WASF3: variants seen among roughly 807,000 people sequenced by gnomAD.
WASF3 encodes the protein WASP family member 3.
WASF3 carries 11 observed loss-of-function variants against 46.6 expected under a neutral mutation model. The observed-to-expected ratio is 0.24, with a 90% CI of 0.15 to 0.39. WASF3 has a LOEUF of 0.39. Among genes scored for constraint, WASF3 ranks in the 10% least tolerant of loss-of-function variants. The pLI, the probability that WASF3 is intolerant of heterozygous loss-of-function variation, is 1.00. For missense variants in WASF3, 576 were observed against 669.8 expected, an observed-to-expected ratio of 0.86 and a Z score of 1.55; for synonymous variants, 242 against 259.7, an observed-to-expected ratio of 0.93 and a Z score of 0.65.
chr13:26,589,668 A>G (rs1156525031), intron 1 of WASF3, among the ~76,000 whole-genome samples: 4 of 152,208 alleles, frequency 2.6e-5, no homozygotes, highest in Non-Finnish European at 4.4e-5. Flanking sequence ...TTATTTCTCC[A>G]AAGCACAACA....
chr13:26,609,929 C>G (rs1880919007), intron 1 of WASF3, among the ~76,000 whole-genome samples: 1 of 152,176 alleles, frequency 6.6e-6, no homozygotes, highest in South Asian at 2.1e-4. Context: ...ACCTAGTAGC[C>G]ACTAGCCACA....
At chr13:26,591,303 C>A (rs1880285968) in intron 1 of WASF3, among the ~76,000 whole-genome samples, 1 of 152,024 alleles carries the variant, frequency 6.6e-6, no homozygotes, top group South Asian at 2.1e-4. Context: ...GAGATGTGAT[C>A]CAACTTCTTT....
At chr13:26,570,242 C>T (rs1428845766) in intron 1 of WASF3, among the ~76,000 whole-genome samples, 3 of 152,118 alleles carry the variant, frequency 2.0e-5, no homozygotes, top group Non-Finnish European at 4.4e-5. Context: ...GAGCTGAGAT[C>T]CTGCCACTGC....
chr13:26,581,155 C>A (rs1005751305), intron 1 of WASF3, among the ~76,000 whole-genome samples: 1 of 152,060 alleles, frequency 6.6e-6, no homozygotes, highest in Non-Finnish European at 1.5e-5. Context: ...TGGTCTTGAA[C>A]TCTTGAGCTC....
chr13:26,579,068 A>G (rs965659828), intron 1 of WASF3, among the ~76,000 whole-genome samples: 1 of 132,440 alleles, frequency 7.6e-6, no homozygotes, highest in South Asian at 2.4e-4. Flanking sequence ...TGGTGCAATC[A>G]TAGCTCACTG....
chr13:26,665,007 T>A, intron 3 of WASF3, 21 bp from the exon 4 acceptor site: 1 of 1,613,574 alleles, frequency 6.2e-7, no homozygotes, highest in Non-Finnish European at 8.5e-7. Context: ...GATGGCCTTC[T>A]CCATTCATTT....
chr13:26,669,504 T>C (rs1483452458), intron 5 of WASF3, among the ~76,000 whole-genome samples: 1 of 95,914 alleles, frequency 1.0e-5, no homozygotes, highest in East Asian at 3.1e-4. Flanking sequence ...ACAAAGTGAC[T>C]GAAAAAAAAA....
At chr13:26,574,952 T>G (rs1319339161) in intron 1 of WASF3, among the ~76,000 whole-genome samples, 1 of 151,934 alleles carries the variant, frequency 6.6e-6, no homozygotes, top group Non-Finnish European at 1.5e-5. Context: ...TTGTCCTGCC[T>G]CAGCCTCTGG....
In WASF3 at chr13:26,683,655, G is replaced by T. The variant is rs184630655; in HGVS notation, c.1351+681G>T. On this transcript the variant is annotated intron_variant, in intron 9 of 9. Coordinates refer to ENST00000335327, the MANE Select transcript of WASF3 (RefSeq NM_006646.6). The stretch of plus-strand genomic sequence containing the variant: ...TTTCTTTAAAAAAAAAAAAGAGTTT[G>T]TGCTGGACTTGTCATATTTGCTTGA... Among the ~76,000 whole-genome samples, 990 of 151,922 alleles carry T rather than the reference G, an allele frequency of 6.5e-3. 6 individuals are homozygous for T. The highest frequency in any genetic ancestry group is 9.8e-3 in the Non-Finnish European group (668 of 67,970).
chr13:26,546,390 A>C, the WASF3 span, among the ~76,000 whole-genome samples: 1 of 152,252 alleles, frequency 6.6e-6, no homozygotes, highest in East Asian at 1.9e-4. Context: ...AATGAGAAAA[A>C]ACGTAAAAAC....
intron 1 of WASF3, among the ~76,000 whole-genome samples, chr13:26,604,041 A>G (rs1474639162): frequency 6.6e-6 from 1 of 152,164 alleles, no homozygotes; most frequent in Non-Finnish European, 1.5e-5. Flanking sequence ...ATAGTGAAGA[A>G]GATAGAGTCA....
At chr13:26,676,508 C>T in intron 6 of WASF3, 41 bp from the exon 7 acceptor site, 1 of 1,597,564 alleles carries the variant, frequency 6.3e-7, no homozygotes, top group Non-Finnish European at 8.5e-7. Flanking sequence ...TTTCCTTTCC[C>T]TTCTGTCTTG....
intron 3 of WASF3, among the ~76,000 whole-genome samples, chr13:26,662,486 G>T (rs973901249): frequency 6.6e-6 from 1 of 152,244 alleles, no homozygotes; most frequent in African/African-American, 2.4e-5. Context: ...ATGAAGTCAT[G>T]TCTTTTGCAG....
the WASF3 span, among the ~76,000 whole-genome samples, chr13:26,547,508 T>A: frequency 6.6e-6 from 1 of 152,076 alleles, no homozygotes; most frequent in Non-Finnish European, 1.5e-5. Context: ...TTGTCCTTAA[T>A]ACCTTTGCAT....
chr13:26,576,289 G>A (rs978979167), intron 1 of WASF3, among the ~76,000 whole-genome samples: 1 of 150,326 alleles, frequency 6.7e-6, no homozygotes, highest in Non-Finnish European at 1.5e-5. Flanking sequence ...TCTTTCTTTT[G>A]TTTCTTTCCT....
intron 2 of WASF3, chr13:26,640,833 G>T (rs1881975787): frequency 6.6e-6 from 1 of 152,202 alleles, no homozygotes; most frequent in South Asian, 2.1e-4. Context: ...TGCACTCTGG[G>T]TGCTTGGGGA....
rs935375942 is a variant in WASF3 at position 26,682,231 on chromosome 13, G to A, written c.984-376G>A. 2.6e-5 allele frequency among the ~76,000 whole-genome samples: 4 copies of A among 152,214 alleles called. No homozygotes were observed. Among genetic ancestry groups the A allele is most frequent in the African/African-American group, 7.2e-5 (3 of 41,458 alleles). On this transcript the variant is annotated intron_variant, in intron 8 of 9. Coordinates refer to ENST00000335327, the MANE Select transcript of WASF3 (RefSeq NM_006646.6). The surrounding 1 kb of genome is among the most constrained non-coding windows in gnomAD (Gnocchi z 4.4). ...GAGAATGTAGAAAGCTCCCAATCTG[G>A]TTGACCTTAGGACCCTTAAAAGACA... is the stretch of plus-strand genomic sequence containing the variant.
rs147802301 is a variant in WASF3, at chr13:26,682,732, C to G, written c.1109C>G (p.Pro370Arg). The G allele has an allele frequency of 2.5e-6, 4 of 1,613,936 alleles. No individual in the cohort carries two copies. The East Asian group carries it at 6.7e-5, about 27-fold the overall frequency. The change falls in exon 9 of 10, where the codon CCG becomes CGG. Residue 370 changes from proline (P) to arginine (R), a missense_variant. Coordinates refer to ENST00000335327, the MANE Select transcript of WASF3 (RefSeq NM_006646.6). The surrounding 1 kb of genome is among the most constrained non-coding windows in gnomAD (Gnocchi z 4.4). ...VSPLQMPMQP[P>R]FPASASSTHA... ...CCTCTCCAGATGCCCATGCAGCCCCCGTTCCCTGCATCAGCCAGCTCCACG... is the reference window on the plus strand; with the variant it reads ...CCTCTCCAGATGCCCATGCAGCCCCGGTTCCCTGCATCAGCCAGCTCCACG...
chr13:26,631,881 C>A (rs2137262517), intron 2 of WASF3, among the ~76,000 whole-genome samples: 1 of 152,284 alleles, frequency 6.6e-6, no homozygotes, highest in Non-Finnish European at 1.5e-5. Context: ...TTGAAGACGT[C>A]CTTCACGTCC....
Sources: allele counts gnomAD v4.1 joint callset (sites outside exome capture counted in the v4.1 genomes callset), GRCh38; gene constraint gnomAD v4.1.1; non-coding constraint Gnocchi (gnomAD v3.1); transcripts MANE v1.5; gene names NCBI Gene and HGNC (gene_info 2026-07-23, HGNC 2026-07-21).